Variants in SAMSN1 observed in about 807,000 individuals in gnomAD.
SAMSN1 encodes SAM domain, SH3 domain and nuclear localization signals 1, also known as SAM domain-containing protein SAMSN-1.
A neutral mutation model predicts 42.0 loss-of-function variants in SAMSN1; 31 were observed. That is an observed-to-expected ratio of 0.74 (90% CI 0.55 to 1.00). The LOEUF is 1.00. Among genes scored for constraint, SAMSN1 ranks in the 50% least tolerant of loss-of-function variants. SAMSN1 has a pLI of 0.00. For synonymous variants in SAMSN1, 178 were observed against 151.9 expected (o/e 1.17, Z -1.26); for missense variants, 464 against 439.4 (o/e 1.06, Z -0.50).
intron 5 of SAMSN1, among the ~76,000 whole-genome samples, chr21:14,503,790 G>A (rs763819175): frequency 7.9e-5 from 12 of 152,100 alleles, no homozygotes; most frequent in Non-Finnish European, 1.2e-4. Flanking sequence ...CAGAACGATT[G>A]CAGAAATAAA....
chr21:14,575,959 T>G (rs1484825795), intron 2 of SAMSN1, among the ~76,000 whole-genome samples: 1 of 152,192 alleles, frequency 6.6e-6, no homozygotes, highest in Non-Finnish European at 1.5e-5. Flanking sequence ...CACTACTGTT[T>G]ATCAAATAGG....
At chr21:14,569,729 C>T (rs1385970891) in intron 2 of SAMSN1, among the ~76,000 whole-genome samples, 1 of 152,180 alleles carries the variant, frequency 6.6e-6, no homozygotes, top group Non-Finnish European at 1.5e-5. Context: ...GAAGTTCTAT[C>T]ATTAACTGCT....
chr21:14,550,926 C>T (rs1980573865), upstream of SAMSN1, among the ~76,000 whole-genome samples: 1 of 151,966 alleles, frequency 6.6e-6, no homozygotes, highest in Non-Finnish European at 1.5e-5. Flanking sequence ...TAACTATTTT[C>T]CTTTGTTTTT....
At chr21:14,625,348 G>A (rs1194302123) in intron 2 of SAMSN1, among the ~76,000 whole-genome samples, 1 of 152,180 alleles carries the variant, frequency 6.6e-6, no homozygotes, top group Admixed American at 6.5e-5. Context: ...GTCCCTGTTT[G>A]CAGATGACAT....
chr21:14,525,392 C>G (rs554734103), intron 1 of SAMSN1, among the ~76,000 whole-genome samples: 17 of 152,006 alleles, frequency 1.1e-4, no homozygotes, highest in Non-Finnish European at 2.5e-4. Context: ...AAAATACAGA[C>G]AAGAAAATAC....
chr21:14,571,953 A>T (rs951152284), intron 2 of SAMSN1, among the ~76,000 whole-genome samples: 18 of 152,292 alleles, frequency 1.2e-4, no homozygotes, highest in South Asian at 4.1e-4. Flanking sequence ...ATATGAAATA[A>T]TCTTAAAAAC....
intron 2 of SAMSN1, among the ~76,000 whole-genome samples, chr21:14,624,804 G>C (rs1325603078): frequency 2.0e-5 from 3 of 152,116 alleles, no homozygotes; most frequent in African/African-American, 4.8e-5. Flanking sequence ...TGATACCAAA[G>C]CCGGGAAGAG....
intron 1 of SAMSN1, among the ~76,000 whole-genome samples, chr21:14,582,660 T>C (rs577127309): frequency 6.6e-6 from 1 of 152,216 alleles, no homozygotes; most frequent in Admixed American, 6.5e-5. Flanking sequence ...GTTATTTTGC[T>C]ATATAAAATT....
At chr21:14,501,151 T>A (rs1016862421) in intron 5 of SAMSN1, among the ~76,000 whole-genome samples, 5 of 152,120 alleles carry the variant, frequency 3.3e-5, no homozygotes, top group African/African-American at 1.2e-4. Context: ...TTAAAAAAAA[T>A]TCAAAGAAGT....
exon 2 of SAMSN1, chr21:14,582,300 C>T: frequency 1.9e-6 from 3 of 1,550,756 alleles, no homozygotes; most frequent in Non-Finnish European, 2.6e-6. Context: ...ATGTAAGCTT[C>T]ACCTTCATAC....
At chr21:14,567,041 G>T (rs1318675477) in intron 2 of SAMSN1, among the ~76,000 whole-genome samples, 1 of 152,118 alleles carries the variant, frequency 6.6e-6, no homozygotes, top group East Asian at 1.9e-4. Context: ...TGACAGAGGA[G>T]ATGACTTTTG....
intron 2 of SAMSN1, 116 bp from the exon 3 acceptor site, chr21:14,517,157 C>A (rs912379383): frequency 1.0e-5 from 9 of 904,384 alleles, no homozygotes; most frequent in Non-Finnish European, 1.4e-5. Context: ...TTCTGTGCAG[C>A]AGCCTCCAAA....
intron 1 of SAMSN1, among the ~76,000 whole-genome samples, chr21:14,537,687 G>A (rs966425716): frequency 6.6e-6 from 1 of 152,170 alleles, no homozygotes; most frequent in Non-Finnish European, 1.5e-5. Flanking sequence ...AATATTTGGG[G>A]ATGGAACCCA....
intron 1 of SAMSN1, among the ~76,000 whole-genome samples, chr21:14,528,908 AT>A (rs1474685442): frequency 2.0e-5 from 3 of 152,114 alleles, no homozygotes; most frequent in Non-Finnish European, 4.4e-5. Flanking sequence ...TAATTATTTC[AT>A]TAGATAAACA....
rs769343925 is a variant in SAMSN1, at chr21:14,629,008, G to A, written c.157-12992C>T. ...CACAACTAGTAAGTGATAAAACTAGGGTTTTGTGCGTGGTGTCTTCACTAC... is the reference window on the plus strand; with the variant it reads ...CACAACTAGTAAGTGATAAAACTAGAGTTTTGTGCGTGGTGTCTTCACTAC... On this transcript the variant is annotated intron_variant, in intron 2 of 15. Coordinates refer to the SAMSN1 transcript ENST00000647101. Among the ~76,000 whole-genome samples the A allele has an allele frequency of 3.3e-5, 5 of 152,008 alleles. No homozygotes were observed. In the South Asian group the frequency reaches 1.0e-3, roughly 32 times the overall value.
chr21:14,638,389 C>A (rs1349492972), intron 2 of SAMSN1, among the ~76,000 whole-genome samples: 1 of 152,118 alleles, frequency 6.6e-6, no homozygotes, highest in Non-Finnish European at 1.5e-5. Context: ...TTGGACTAGT[C>A]ACTTTTCAAG....
At chr21:14,521,304 T>A in intron 1 of SAMSN1, 83 bp from the exon 2 acceptor site, 1 of 888,546 alleles carries the variant, frequency 1.1e-6, no homozygotes. Flanking sequence ...GATTATAGTT[T>A]AATAAGCACC....
At chr21:14,657,870 C>G (rs1983941264) in intron 1 of SAMSN1, among the ~76,000 whole-genome samples, 1 of 151,736 alleles carries the variant, frequency 6.6e-6, no homozygotes, top group Non-Finnish European at 1.5e-5. Flanking sequence ...AAAATGCCTC[C>G]TGTTTAGGTA....
At chr21:14,602,875 G>A (rs1392313344) in intron 5 of SAMSN1, among the ~76,000 whole-genome samples, 1 of 152,118 alleles carries the variant, frequency 6.6e-6, no homozygotes, top group Non-Finnish European at 1.5e-5. Context: ...TGGAAGCAGG[G>A]ACAGGCAAGT....
Sources: gnomAD v4.1 joint callset for allele counts (sites outside exome capture counted in the v4.1 genomes callset) on GRCh38, gnomAD v4.1.1 for gene constraint, MANE v1.5 for transcripts, NCBI Gene and HGNC (gene_info 2026-07-23, HGNC 2026-07-21) for gene names.